Variants in MEGF11 observed in about 807,000 individuals in gnomAD.
MEGF11 encodes multiple epidermal growth factor-like domains protein 11.
MEGF11 carries 126 observed loss-of-function variants against 146.6 expected under a neutral mutation model. The observed-to-expected ratio is 0.86, with a 90% CI of 0.74 to 1.00. MEGF11 has a LOEUF of 1.00. MEGF11 is among the 50% of genes least tolerant of loss of function. MEGF11 has a pLI of 0.00. For missense variants in MEGF11, 1,509 were observed against 1,521.2 expected (o/e 0.99, Z 0.13); for synonymous variants, 532 against 583.4 (o/e 0.91, Z 1.27).
chr15:66,150,816 G>T (rs2089539718), intron 1 of MEGF11, among the ~76,000 whole-genome samples: 1 of 137,916 alleles, frequency 7.3e-6, no homozygotes, highest in African/African-American at 2.8e-5. Flanking sequence ...ATAGAGCAAT[G>T]CCCTGTCGAG....
chr15:65,922,573 A>G, intron 14 of MEGF11, 101 bp from the exon 15 acceptor site: 1 of 1,429,360 alleles, frequency 7.0e-7, no homozygotes, highest in African/African-American at 1.4e-5. Context: ...GGAGACCTGC[A>G]TCCTTCCCTC....
At chr15:66,130,148 C>G (rs969170900) in intron 1 of MEGF11, among the ~76,000 whole-genome samples, 1 of 152,212 alleles carries the variant, frequency 6.6e-6, no homozygotes, top group Non-Finnish European at 1.5e-5. Context: ...TCATTTCAAT[C>G]CATTCTCCTC....
At chr15:66,204,010 A>T (rs1226475974) in intron 1 of MEGF11, among the ~76,000 whole-genome samples, 1 of 152,144 alleles carries the variant, frequency 6.6e-6, no homozygotes, top group Non-Finnish European at 1.5e-5. Flanking sequence ...TGAGAGGCCA[A>T]GATGGGAGGA....
At chr15:66,116,167 A>C (rs1224082924) in intron 4 of MEGF11, among the ~76,000 whole-genome samples, 2 of 151,872 alleles carry the variant, frequency 1.3e-5, no homozygotes, top group African/African-American at 4.8e-5. Flanking sequence ...CTCAAGGTGG[A>C]GCTCAAGGCC....
intron 10 of MEGF11, among the ~76,000 whole-genome samples, chr15:65,935,944 A>G (rs906206304): frequency 6.6e-6 from 1 of 152,198 alleles, no homozygotes; most frequent in Non-Finnish European, 1.5e-5. Context: ...GCCAATCACG[A>G]GCCTATCTCA....
chr15:66,181,888 T>C (rs181941089), intron 1 of MEGF11, among the ~76,000 whole-genome samples: 2 of 152,322 alleles, frequency 1.3e-5, no homozygotes, highest in African/African-American at 4.8e-5. Context: ...CTAATCTGTT[T>C]GCTCCTAAAT....
chr15:66,117,174 G>T (rs948102986), intron 4 of MEGF11, among the ~76,000 whole-genome samples: 19 of 152,202 alleles, frequency 1.2e-4, no homozygotes, highest in African/African-American at 4.6e-4. Context: ...TAAAGAGGAA[G>T]AAGCTGGCAG....
intron 24 of MEGF11, among the ~76,000 whole-genome samples, chr15:65,904,915 CAG>C (rs1491470354): frequency 3.3e-5 from 5 of 152,288 alleles, no homozygotes; most frequent in Non-Finnish European, 1.5e-5. Context: ...TTTTCTGAGA[CAG>C]AGTCTTGTTC....
chr15:66,162,593 AAAAAC>A (rs761613352), intron 1 of MEGF11, among the ~76,000 whole-genome samples: 103 of 152,344 alleles, frequency 6.8e-4, no homozygotes, highest in Non-Finnish European at 1.0e-3. Context: ...GTGGTGATAG[AAAAAC>A]AAAACAAAAC....
intron 24 of MEGF11, among the ~76,000 whole-genome samples, chr15:65,900,695 C>T (rs28592801): frequency 0.011 from 1,600 of 152,290 alleles, 34 homozygotes; most frequent in African/African-American, 0.036. Context: ...TCCTCAGGAT[C>T]ACACTGCTTA....
chr15:66,037,541 G>C (rs1486915885), intron 5 of MEGF11, among the ~76,000 whole-genome samples: 1 of 151,934 alleles, frequency 6.6e-6, no homozygotes, highest in Non-Finnish European at 1.5e-5. Context: ...CTGGCACGTA[G>C]TAAGTGCTCT....
chr15:66,230,337 C>A (rs117769345), intron 1 of MEGF11, among the ~76,000 whole-genome samples: 7 of 152,196 alleles, frequency 4.6e-5, no homozygotes, highest in Admixed American at 2.0e-4. Context: ...TTACCTCCCC[C>A]ACTAGATTGT....
At chr15:65,968,126 C>G (rs868357040) in intron 8 of MEGF11, among the ~76,000 whole-genome samples, 27 of 151,476 alleles carry the variant, frequency 1.8e-4, no homozygotes, top group African/African-American at 4.9e-4. Context: ...GAAGAGGAGG[C>G]AAGAAAGAAG....
chr15:66,222,368 C>T (rs527376524), intron 1 of MEGF11, among the ~76,000 whole-genome samples: 7 of 152,118 alleles, frequency 4.6e-5, no homozygotes, highest in Non-Finnish European at 1.0e-4. Context: ...AAGGCCTTTC[C>T]TCAAACCTAC....
intron 20 of MEGF11, among the ~76,000 whole-genome samples, chr15:65,912,856 G>C (rs1162139906): frequency 6.6e-6 from 1 of 152,198 alleles, no homozygotes; most frequent in Admixed American, 6.5e-5. Flanking sequence ...CACTTAGCAG[G>C]AATGGGCTGA....
At chr15:65,978,341 A>G (rs989979090) in intron 7 of MEGF11, among the ~76,000 whole-genome samples, 3 of 152,244 alleles carry the variant, frequency 2.0e-5, no homozygotes, top group Non-Finnish European at 4.4e-5. Context: ...CTGCATGCAC[A>G]AGGGGTATTA....
intron 1 of MEGF11, among the ~76,000 whole-genome samples, chr15:66,150,896 C>T: frequency 6.7e-6 from 1 of 149,276 alleles, no homozygotes; most frequent in East Asian, 2.0e-4. Flanking sequence ...GGCCACACCC[C>T]TTGTCAGTGA....
intron 1 of MEGF11, among the ~76,000 whole-genome samples, chr15:66,229,847 C>A (rs2091931677): frequency 6.6e-6 from 1 of 152,150 alleles, no homozygotes; most frequent in African/African-American, 2.4e-5. Context: ...AATGAGGGGA[C>A]CCCATTGGGC....
At chr15:66,144,558 G>A (rs1311290656) in intron 1 of MEGF11, among the ~76,000 whole-genome samples, 1 of 152,156 alleles carries the variant, frequency 6.6e-6, no homozygotes, top group Non-Finnish European at 1.5e-5. Flanking sequence ...ACATCCAAAA[G>A]GCCAGCTAGG....
Sources: gnomAD v4.1 joint callset for allele counts (sites outside exome capture counted in the v4.1 genomes callset) on GRCh38, gnomAD v4.1.1 for gene constraint, MANE v1.5 for transcripts, NCBI Gene and HGNC (gene_info 2026-07-23, HGNC 2026-07-21) for gene names.